Variants in DAW1 observed in about 807,000 individuals in gnomAD.
The protein encoded by DAW1 is dynein assembly factor with WD repeats 1.
Under a neutral mutation model 56.5 loss-of-function variants are expected in DAW1, and 47 were observed. The ratio of observed to expected loss-of-function variants is 0.83; its 90% confidence interval spans 0.66 to 1.06. The LOEUF (loss-of-function observed/expected upper bound fraction) is 1.06, where lower values mean the gene tolerates loss of function less well. Among genes scored for constraint, DAW1 ranks in the 50% least tolerant of loss-of-function variants. The pLI, the probability that DAW1 is intolerant of heterozygous loss-of-function variation, is 0.00. For synonymous variants in DAW1, 190 were observed against 179.0 expected (o/e 1.06, Z -0.49); for missense variants, 505 against 499.3 (o/e 1.01, Z -0.11).
intron 12 of DAW1, 59 bp from the exon 13 acceptor site, chr2:227,923,875 G>A (rs1692164354): frequency 2.5e-6 from 4 of 1,595,492 alleles, no homozygotes; most frequent in Non-Finnish European, 3.4e-6. Context: ...CTTGTAGAAA[G>A]AGAGAATGAG....
In DAW1 at chr2:227,912,306, C is replaced by T. The variant is rs1398307608; in HGVS notation, c.973+5054C>T. Reference sequence around the variant, plus strand: ...GGAGTGCAGTGGCACGATCTTGGCTCACTGCAACCTGCGCCTCCCAGGTTC... The same window carrying T: ...GGAGTGCAGTGGCACGATCTTGGCTTACTGCAACCTGCGCCTCCCAGGTTC... On this transcript the variant is annotated intron_variant, in intron 10 of 12. Coordinates refer to ENST00000309931, the MANE Select transcript of DAW1 (RefSeq NM_178821.3). 11 of 1,182,126 alleles carry T rather than the reference C, an allele frequency of 9.3e-6. No individual in the cohort carries two copies. In the South Asian group the frequency reaches 1.0e-4, roughly 11 times the overall value. The allele number at this position is 1,182,126 out of a possible 1,614,324, so 73.2% of individuals were successfully genotyped here.
intron 1 of DAW1, 109 bp downstream of exon 1, chr2:227,871,838 G>C (rs1238997359): frequency 1.4e-6 from 2 of 1,471,742 alleles, no homozygotes; most frequent in Admixed American, 4.1e-5. Context: ...GGGGTCCCCA[G>C]GTGGGGCAGG....
chr2:227,885,103 C>G (rs1053394893), intron 1 of DAW1, among the ~76,000 whole-genome samples: 2 of 152,216 alleles, frequency 1.3e-5, no homozygotes, highest in East Asian at 1.9e-4. Flanking sequence ...CTTCTTCCAT[C>G]CAACTTTCTA....
intron 1 of DAW1, among the ~76,000 whole-genome samples, chr2:227,883,427 A>G (rs889002383): frequency 1.3e-5 from 2 of 152,252 alleles, no homozygotes; most frequent in Admixed American, 6.5e-5. Context: ...ATGATTATGC[A>G]TGGACCATGC....
intron 5 of DAW1, among the ~76,000 whole-genome samples, chr2:227,894,219 G>T (rs1157048393): frequency 1.3e-5 from 2 of 152,036 alleles, no homozygotes; most frequent in Admixed American, 6.5e-5. Flanking sequence ...TGGCCAACGT[G>T]GTGAAACCCC....
chr2:227,894,752 T>C (rs190610164), intron 5 of DAW1, among the ~76,000 whole-genome samples: 23 of 152,356 alleles, frequency 1.5e-4, no homozygotes, highest in African/African-American at 5.1e-4. Context: ...TGTCTTCTAT[T>C]CTTCCTCATG....
intron 3 of DAW1, among the ~76,000 whole-genome samples, chr2:227,890,517 G>T (rs1340046109): frequency 6.6e-6 from 1 of 151,942 alleles, no homozygotes; most frequent in East Asian, 1.9e-4. Flanking sequence ...ATTTTCCTTT[G>T]TCATTACCTT....
Position 227,903,082 on chromosome 2 carries a change from G to A in DAW1, c.621G>A (p.Gln207=). Residue 207 remains glutamine, a synonymous_variant, in exon 7 of 13, where the codon CAG becomes CAA. Coordinates refer to ENST00000309931, the MANE Select transcript of DAW1 (RefSeq NM_178821.3). ...MDTTAKLWDI[Q]NGEEVYTLRG... ...CAACAGCCAAATTGTGGGACATTCA[G>A]AATGGCGAGGAAGTTTACACCTTAA... 1 of 1,614,174 alleles carries A rather than the reference G, an allele frequency of 6.2e-7. No individual in the cohort carries two copies. The highest frequency in any genetic ancestry group is 8.5e-7 in the Non-Finnish European group (1 of 1,180,018).
At chr2:227,889,204 C>T (rs576808266) in intron 2 of DAW1, among the ~76,000 whole-genome samples, 9 of 152,234 alleles carry the variant, frequency 5.9e-5, no homozygotes, top group Admixed American at 6.5e-5. Flanking sequence ...ACTAGGCCTT[C>T]CTAGGTGTCT....
chr2:227,873,497 A>C (rs902193263), intron 1 of DAW1, among the ~76,000 whole-genome samples: 1 of 152,200 alleles, frequency 6.6e-6, no homozygotes, highest in African/African-American at 2.4e-5. Flanking sequence ...AAATTACTGA[A>C]AATAAACACT....
intron 10 of DAW1, among the ~76,000 whole-genome samples, chr2:227,910,845 A>G (rs897205954): frequency 6.6e-6 from 1 of 152,084 alleles, no homozygotes; most frequent in Non-Finnish European, 1.5e-5. Flanking sequence ...TTTCATGATA[A>G]GCACCTGTGA....
intron 4 of DAW1, 26 bp from the exon 5 acceptor site, chr2:227,893,769 C>T: frequency 6.3e-7 from 1 of 1,597,760 alleles, no homozygotes; most frequent in Non-Finnish European, 8.5e-7. Context: ...TTCTTCCCTG[C>T]AACGTGTTTA....
intron 11 of DAW1, among the ~76,000 whole-genome samples, chr2:227,920,160 T>C (rs1452165741): frequency 6.6e-6 from 1 of 152,208 alleles, no homozygotes; most frequent in Non-Finnish European, 1.5e-5. Flanking sequence ...CATGAATGAG[T>C]GAATACAAAG....
intron 12 of DAW1, among the ~76,000 whole-genome samples, chr2:227,922,197 C>G (rs529537569): frequency 6.6e-6 from 1 of 152,322 alleles, no homozygotes; most frequent in South Asian, 2.1e-4. Flanking sequence ...GTAACCAAAA[C>G]AAGTCAGGAT....
chr2:227,922,394 C>A (rs551758335), intron 12 of DAW1, among the ~76,000 whole-genome samples: 1 of 152,038 alleles, frequency 6.6e-6, no homozygotes, highest in Non-Finnish European at 1.5e-5. Flanking sequence ...TAGTTTAGAT[C>A]GTGGAAAGGG....
intron 11 of DAW1, 78 bp from the exon 12 acceptor site, chr2:227,921,305 CTTTTTTTTTTTTTTTT>C (rs556409280): frequency 4.4e-5 from 19 of 436,338 alleles, no homozygotes; most frequent in African/African-American, 1.3e-4. Context: ...CTGTAATGTC[CTTTTTTTTTTTTTTTT>C]TTTTTTTTTT....
intron 10 of DAW1, among the ~76,000 whole-genome samples, chr2:227,909,266 A>ATCTGTCTGTCTGTCTG (rs1258557710): frequency 7.0e-6 from 1 of 142,032 alleles, no homozygotes; most frequent in African/African-American, 2.6e-5. Context: ...CTATCTATCT[A>ATCTGTCTGTCTGTCTG]TCTATCTGTC....
chr2:227,921,201 T>C (rs1692097789), intron 11 of DAW1, among the ~76,000 whole-genome samples, 198 bp from the exon 12 acceptor site: 3 of 152,188 alleles, frequency 2.0e-5, no homozygotes. Flanking sequence ...CTCTGGATTT[T>C]AGTTTCCATG....
At chr2:227,912,575 T>C in intron 10 of DAW1, 1 of 1,195,922 alleles carries the variant, frequency 8.4e-7, no homozygotes, top group Non-Finnish European at 1.1e-6. Context: ...TGCTACACTT[T>C]GTGTTTGTCA....
Sources: gnomAD v4.1 joint callset for allele counts (sites outside exome capture counted in the v4.1 genomes callset) on GRCh38, gnomAD v4.1.1 for gene constraint, MANE v1.5 for transcripts, NCBI Gene and HGNC (gene_info 2026-07-23, HGNC 2026-07-21) for gene names.